Variants in ZBTB38 observed in about 807,000 individuals in gnomAD.
ZBTB38 encodes zinc finger and BTB domain containing 38, also known as zinc finger and BTB domain-containing protein 38.
ZBTB38 carries 20 observed loss-of-function variants against 76.8 expected under a neutral mutation model. That is an observed-to-expected ratio of 0.26 (90% CI 0.18 to 0.38). The LOEUF (loss-of-function observed/expected upper bound fraction) is 0.38, where lower values mean the gene tolerates loss of function less well. Among genes scored for constraint, ZBTB38 ranks in the 10% least tolerant of loss-of-function variants. The probability of loss-of-function intolerance (pLI) is 1.00; values close to 1 mark genes in which losing one functional copy is unlikely to be tolerated. For synonymous variants in ZBTB38, 504 were observed against 544.2 expected, an observed-to-expected ratio of 0.93 and a Z score of 1.03; for missense variants, 1,082 against 1,482.3, an observed-to-expected ratio of 0.73 and a Z score of 4.43.
At chr3:141,342,240 G>A (rs376895235) in intron 1 of ZBTB38, among the ~76,000 whole-genome samples, 3 of 151,910 alleles carry the variant, frequency 2.0e-5, no homozygotes, top group Admixed American at 2.0e-4. Flanking sequence ...CAGGAGAATC[G>A]CTTGAACCCG....
chr3:141,381,341 C>T (rs1946170938), intron 2 of ZBTB38, 84 bp from the exon 3 acceptor site: 1 of 152,234 alleles, frequency 6.6e-6, no homozygotes, highest in African/African-American at 2.4e-5. Flanking sequence ...ATGTTGTCTA[C>T]CACAGTCTGC....
intron 1 of ZBTB38, among the ~76,000 whole-genome samples, chr3:141,345,219 C>T (rs1252866075): frequency 6.6e-6 from 1 of 151,446 alleles, no homozygotes; most frequent in Admixed American, 6.6e-5. Flanking sequence ...GGAAGAAGCT[C>T]TAGTGGTTTC....
rs1559970725 is a variant in ZBTB38 at position 141,446,009 on chromosome 3, AGTT to A, written c.*35_*37del. On this transcript the variant is annotated 3_prime_UTR_variant, in exon 6 of 6. Coordinates refer to ENST00000321464, the MANE Select transcript of ZBTB38 (RefSeq NM_001376113.1). ...GAATTAGAAAAATCTTCAAAAATAT[AGTT>A]GGTGGTTTTTTTAGTTATGATTTAA... The A allele has an allele frequency of 6.6e-7, 1 of 1,511,578 alleles. No individual in the cohort carries two copies. The allele number at this position is 1,511,578 out of a possible 1,614,324, so 93.6% of individuals were successfully genotyped here. A position where few individuals can be genotyped will look rare whatever the true frequency, so the allele number is the denominator to read the frequency against.
At chr3:141,338,508 C>T (rs1943079517) in intron 1 of ZBTB38, among the ~76,000 whole-genome samples, 1 of 152,180 alleles carries the variant, frequency 6.6e-6, no homozygotes, top group Non-Finnish European at 1.5e-5. Context: ...ATGGATAGAG[C>T]TGGAGGCCAT....
intron 1 of ZBTB38, among the ~76,000 whole-genome samples, chr3:141,328,523 T>C (rs1942745841): frequency 6.6e-6 from 1 of 152,190 alleles, no homozygotes; most frequent in South Asian, 2.1e-4. Context: ...TACCAAACTG[T>C]GCACACTCTA....
intron 1 of ZBTB38, among the ~76,000 whole-genome samples, chr3:141,346,556 C>T (rs543297439): frequency 3.7e-4 from 56 of 152,224 alleles, no homozygotes; most frequent in Non-Finnish European, 6.8e-4. Flanking sequence ...AAAAGGGCAG[C>T]GCGGTTGGCA....
In ZBTB38 at chr3:141,358,845, C is replaced by T. The variant is rs141184596; in HGVS notation, c.-738-9776C>T. On this transcript the variant is annotated intron_variant, in intron 1 of 7. Transcript: ENST00000509842. ...AGAATTTGTGGTCTTTTGTCAGTGG[C>T]TTCTTTGATTTGGCACAATACTACC... Among the ~76,000 whole-genome samples, 486 of 152,254 alleles carry T rather than the reference C, an allele frequency of 3.2e-3. 3 individuals carry two copies. The highest frequency in any genetic ancestry group is 0.011 in the African/African-American group (441 of 41,546).
chr3:141,402,636 C>G (rs1274329762), intron 4 of ZBTB38, among the ~76,000 whole-genome samples: 1 of 149,910 alleles, frequency 6.7e-6, no homozygotes. Context: ...GAGCTGCCCG[C>G]GGGGAGGAAG....
intron 4 of ZBTB38, among the ~76,000 whole-genome samples, chr3:141,391,592 T>C (rs1948891484): frequency 6.6e-6 from 1 of 152,134 alleles, no homozygotes; most frequent in Admixed American, 6.5e-5. Flanking sequence ...TGCTAGGTGG[T>C]GATGAAATTC....
At position 141,334,433 on chromosome 3, in the gene ZBTB38, C is replaced by T. The variant is rs1156538596; in HGVS notation, c.-739+9977C>T. Among the ~76,000 whole-genome samples the T allele has an allele frequency of 7.1e-3, 903 of 127,712 alleles. 13 individuals are homozygous for T. The highest frequency in any genetic ancestry group is 9.3e-3 in the Non-Finnish European group (562 of 60,710). 83.8% of individuals were successfully genotyped at this position (127,712 alleles called of 152,430 possible). Reference sequence around the variant, plus strand: ...CCTTCCTTCCTTCCTTCCTTCCTTCCTTCCTTCCTTCTTTCCTTTCTTCCT... The same window carrying T: ...CCTTCCTTCCTTCCTTCCTTCCTTCTTTCCTTCCTTCTTTCCTTTCTTCCT... On this transcript the variant is annotated intron_variant, in intron 1 of 7. Transcript: ENST00000509842.
chr3:141,428,022 C>T (rs1426350270), intron 5 of ZBTB38, among the ~76,000 whole-genome samples: 2 of 152,204 alleles, frequency 1.3e-5, no homozygotes, highest in Non-Finnish European at 2.9e-5. Flanking sequence ...TGAAGGATCC[C>T]AGGCCCAAGG....
chr3:141,359,480 G>A (rs1011514844), intron 1 of ZBTB38, among the ~76,000 whole-genome samples: 1 of 152,202 alleles, frequency 6.6e-6, no homozygotes, highest in Non-Finnish European at 1.5e-5. Context: ...GGAAGGAAGA[G>A]GTAGTGGCAA....
upstream of ZBTB38, chr3:141,367,241 C>T (rs78502471): frequency 0.043 from 6,521 of 152,348 alleles, 173 homozygotes; most frequent in Non-Finnish European, 0.055. Context: ...CAAAGACAAG[C>T]GTGGACTCTG....
At chr3:141,326,022 T>TA (rs936458931) in intron 1 of ZBTB38, among the ~76,000 whole-genome samples, 1 of 151,206 alleles carries the variant, frequency 6.6e-6, no homozygotes. Flanking sequence ...TTTCTTTAAT[T>TA]AAAAAAAAAG....
chr3:141,400,128 T>C (rs183230819), intron 4 of ZBTB38, among the ~76,000 whole-genome samples: 1 of 152,074 alleles, frequency 6.6e-6, no homozygotes. Context: ...GGGCCCTTCC[T>C]GGAAATTTCC....
At chr3:141,392,516 T>C (rs1345117370) in intron 4 of ZBTB38, among the ~76,000 whole-genome samples, 1 of 152,194 alleles carries the variant, frequency 6.6e-6, no homozygotes, top group Non-Finnish European at 1.5e-5. Context: ...TAATGGCCTT[T>C]TATACTGTTC....
chr3:141,444,863 G>A lies in ZBTB38; in HGVS notation c.2475G>A (p.Pro825=), dbSNP rs3732868. 7.4e-3 allele frequency: 11,938 copies of A among 1,614,046 alleles called. 179 individuals are homozygous for A. The highest frequency in any genetic ancestry group is 0.047 in the African/African-American group (3,503 of 74,982). The part of the protein sequence containing the change: ...IETYIAKPAL[P]GTSTNSNVAP... Reference sequence around the variant, plus strand: ...CCTACATTGCAAAACCTGCTCTGCCGGGAACCTCCACAAATAGTAATGTTG... The same window carrying A: ...CCTACATTGCAAAACCTGCTCTGCCAGGAACCTCCACAAATAGTAATGTTG... Residue 825 remains proline (P), a synonymous_variant, in exon 6 of 6, where the codon CCG becomes CCA. Coordinates refer to ENST00000321464, the MANE Select transcript of ZBTB38 (RefSeq NM_001376113.1). The surrounding 1 kb of genome is among the most constrained non-coding windows in gnomAD (Gnocchi z 5.1).
intron 5 of ZBTB38, among the ~76,000 whole-genome samples, chr3:141,410,864 C>G (rs1396926688): frequency 6.6e-6 from 1 of 152,158 alleles, no homozygotes; most frequent in African/African-American, 2.4e-5. Flanking sequence ...TTGCGCACCC[C>G]TATTTTTCTG....
At chr3:141,392,197 A>G (rs901629128) in intron 4 of ZBTB38, among the ~76,000 whole-genome samples, 9 of 152,190 alleles carry the variant, frequency 5.9e-5, no homozygotes, top group Admixed American at 3.9e-4. Context: ...AGGCCCTGAA[A>G]CATTCCACAA....
Sources: gnomAD v4.1 joint callset for allele counts (sites outside exome capture counted in the v4.1 genomes callset) on GRCh38, gnomAD v4.1.1 for gene constraint, Gnocchi (gnomAD v3.1) non-coding constraint, MANE v1.5 for transcripts, NCBI Gene and HGNC (gene_info 2026-07-23, HGNC 2026-07-21) for gene names.